The following SLC4A10 variants were observed in gnomAD, a reference collection of about 807,000 sequenced individuals.
The protein encoded by SLC4A10 is sodium-driven chloride bicarbonate exchanger.
SLC4A10 carries 42 observed loss-of-function variants against 137.7 expected under a neutral mutation model. That is an observed-to-expected ratio of 0.30 (90% confidence interval 0.24 to 0.39). The LOEUF is 0.39. Among genes scored for constraint, SLC4A10 ranks in the 10% least tolerant of loss-of-function variants. The probability of loss-of-function intolerance (pLI) is 1.00; values close to 1 mark genes in which losing one functional copy is unlikely to be tolerated. For missense variants in SLC4A10, 925 were observed against 1,355.0 expected, an observed-to-expected ratio of 0.68 and a Z score of 4.98; for synonymous variants, 474 against 464.1, an observed-to-expected ratio of 1.02 and a Z score of -0.27.
intron 1 of SLC4A10, among the ~76,000 whole-genome samples, chr2:161,757,065 A>G (rs1361949733): frequency 2.6e-5 from 4 of 152,180 alleles, no homozygotes; most frequent in Non-Finnish European, 4.4e-5. Context: ...CAAAAGCTAA[A>G]CATTGAGTAA....
intron 10 of SLC4A10, among the ~76,000 whole-genome samples, chr2:161,884,807 G>A (rs893138790): frequency 1.3e-5 from 2 of 152,158 alleles, no homozygotes; most frequent in Non-Finnish European, 2.9e-5. Flanking sequence ...TTTTTTAAAA[G>A]AGAAAACAGA....
chr2:161,739,124 A>T (rs1055045748), intron 1 of SLC4A10, among the ~76,000 whole-genome samples: 3 of 152,048 alleles, frequency 2.0e-5, no homozygotes, highest in African/African-American at 7.3e-5. Flanking sequence ...GGTGGGGGGA[A>T]CATGATATGG....
intron 2 of SLC4A10, among the ~76,000 whole-genome samples, chr2:161,803,733 G>C (rs2125596324): frequency 6.6e-6 from 1 of 152,132 alleles, no homozygotes; most frequent in South Asian, 2.1e-4. Context: ...TTTATCTGTA[G>C]AGGATACGTT....
intron 15 of SLC4A10, among the ~76,000 whole-genome samples, chr2:161,932,249 G>A (rs1182028641): frequency 6.6e-6 from 1 of 152,110 alleles, no homozygotes; most frequent in Non-Finnish European, 1.5e-5. Flanking sequence ...CAAGACATTT[G>A]CAGACCTATG....
chr2:161,939,486 T>C (rs1180904472), intron 15 of SLC4A10, among the ~76,000 whole-genome samples: 1 of 152,202 alleles, frequency 6.6e-6, no homozygotes, highest in African/African-American at 2.4e-5. Flanking sequence ...CCTCTGTAGC[T>C]ATAAGTATAT....
intron 2 of SLC4A10, among the ~76,000 whole-genome samples, chr2:161,778,285 T>C (rs987300571): frequency 2.0e-5 from 3 of 151,966 alleles, no homozygotes; most frequent in Admixed American, 2.0e-4. Flanking sequence ...CTAAGAGCTA[T>C]CATTTTTCCC....
intron 6 of SLC4A10, among the ~76,000 whole-genome samples, chr2:161,863,890 T>C (rs548297432): frequency 9.2e-5 from 14 of 152,300 alleles, no homozygotes; most frequent in African/African-American, 3.4e-4. Context: ...TTTGTTAAAC[T>C]TCTGTAGGCT....
intron 1 of SLC4A10, among the ~76,000 whole-genome samples, chr2:161,718,237 A>G (rs978008748): frequency 6.6e-6 from 1 of 152,104 alleles, no homozygotes; most frequent in African/African-American, 2.4e-5. Context: ...ATTTTTTAAA[A>G]AAATCACCTC....
At position 161,882,433 on chromosome 2, in the gene SLC4A10, A is replaced by T; in HGVS notation, c.1183A>T (p.Met395Leu). The T allele has an allele frequency of 6.3e-7, 1 of 1,590,198 alleles. No individual in the cohort carries two copies. The highest frequency in any genetic ancestry group is 1.7e-5 in the Admixed American group (1 of 57,852). Residue 395 changes from methionine (M) to leucine (L), a missense_variant, in exon 10 of 27, where the codon ATG becomes TTG. This residue lies in a region of SLC4A10 where 277 missense variants were observed against 306.1 expected (regional missense o/e 0.90). Coordinates refer to ENST00000446997, the MANE Select transcript of SLC4A10 (RefSeq NM_001178015.2). Reference sequence around the variant, plus strand: ...GATTGGCAGATCAATTGCAACCCTAATGACAGATGAGGTATTTATTCAAGT... The same window carrying T: ...GATTGGCAGATCAATTGCAACCCTATTGACAGATGAGGTATTTATTCAAGT... Reference protein sequence around the residue: ...HEIGRSIATLMTDEVFHDVAY... With the variant: ...HEIGRSIATLLTDEVFHDVAY...
intron 3 of SLC4A10, among the ~76,000 whole-genome samples, chr2:161,816,917 C>G (rs1481948959): frequency 9.9e-5 from 15 of 152,038 alleles, no homozygotes; most frequent in Admixed American, 2.0e-4. Context: ...CTTTGCTATT[C>G]TGAATAGTGC....
At chr2:161,870,118 A>G (rs1478614088) in intron 6 of SLC4A10, among the ~76,000 whole-genome samples, 2 of 151,022 alleles carry the variant, frequency 1.3e-5, no homozygotes, top group African/African-American at 2.4e-5. Context: ...ATAGCATACA[A>G]CAATCTCAAA....
rs931538562 is a variant in SLC4A10, at chr2:161,658,223, A to T, written c.48+33657A>T. Among the ~76,000 whole-genome samples the T allele has an allele frequency of 8.5e-5, 13 of 152,206 alleles. No individual in the cohort carries two copies. In the East Asian group the frequency reaches 9.6e-4, roughly 11 times the overall value. ...TTTTGCATTAGAAAACTTTAGCCTGAATCCTTACTTTTTAGATTCAACATA... is the reference window on the plus strand; with the variant it reads ...TTTTGCATTAGAAAACTTTAGCCTGTATCCTTACTTTTTAGATTCAACATA... On this transcript the variant is annotated intron_variant, in intron 1 of 26. Coordinates refer to ENST00000446997, the MANE Select transcript of SLC4A10 (RefSeq NM_001178015.2).
In SLC4A10 at chr2:161,695,355, A is replaced by G. The variant is rs527913081; in HGVS notation, c.48+70789A>G. Among the ~76,000 whole-genome samples, 47 of 152,140 alleles carry G rather than the reference A, an allele frequency of 3.1e-4. No homozygotes were observed. In the South Asian group the frequency reaches 6.2e-3, roughly 20 times the overall value. Reference sequence around the variant, plus strand: ...CACTTAATTTGCTCTTATATACCCAATACTAGTTGTTCTTGGAGGGAAAGA... The same window carrying G: ...CACTTAATTTGCTCTTATATACCCAGTACTAGTTGTTCTTGGAGGGAAAGA... On this transcript the variant is annotated intron_variant, in intron 1 of 26. Transcript: ENST00000446997.
intron 1 of SLC4A10, among the ~76,000 whole-genome samples, chr2:161,706,724 C>G (rs552486799): frequency 1.2e-4 from 18 of 151,546 alleles, no homozygotes; most frequent in South Asian, 2.1e-4. Flanking sequence ...CATCTCTTCC[C>G]TCTGTTCTTA....
At chr2:161,682,742 T>C (rs2040999618) in intron 1 of SLC4A10, among the ~76,000 whole-genome samples, 1 of 152,092 alleles carries the variant, frequency 6.6e-6, no homozygotes, top group Non-Finnish European at 1.5e-5. Context: ...CTAGGTATTC[T>C]TTCTCTCTTT....
Position 161,725,618 on chromosome 2 carries a change from T to G in SLC4A10, c.49-45355T>G, listed in dbSNP as rs559441504. ...TCTTAATTTTCTCCTACAAAAAAAT[T>G]ACAGTAAAAATACTAGATTTATGCT... is the stretch of plus-strand genomic sequence containing the variant. On this transcript the variant is annotated intron_variant, in intron 1 of 26. Coordinates refer to ENST00000446997, the MANE Select transcript of SLC4A10 (RefSeq NM_001178015.2). Among the ~76,000 whole-genome samples the G allele has an allele frequency of 8.5e-5, 13 of 152,342 alleles. No homozygotes were observed. In the East Asian group the frequency reaches 1.5e-3, roughly 18 times the overall value.
At chr2:161,876,794 G>A (rs576088069) in intron 8 of SLC4A10, among the ~76,000 whole-genome samples, 152 of 151,882 alleles carry the variant, frequency 1.0e-3, no homozygotes, top group African/African-American at 3.6e-3. Flanking sequence ...AATATAATAT[G>A]TAACTATACA....
rs540282663 is a variant in SLC4A10, at chr2:161,643,258, G to T, written c.48+18692G>T. Among the ~76,000 whole-genome samples, 21 of 152,166 alleles carry T rather than the reference G, an allele frequency of 1.4e-4. No homozygotes were observed. The East Asian group carries it at 3.3e-3, about 24-fold the overall frequency. On this transcript the variant is annotated intron_variant, in intron 1 of 26. Transcript: ENST00000446997. ...TGTGCTATTAAATGAATAGAAATCAGACTTGAGGAAGGCAAAGGCCAAAAG... is the reference window on the plus strand; with the variant it reads ...TGTGCTATTAAATGAATAGAAATCATACTTGAGGAAGGCAAAGGCCAAAAG...
chr2:161,652,332 T>C (rs1334529825), intron 1 of SLC4A10, among the ~76,000 whole-genome samples: 2 of 152,242 alleles, frequency 1.3e-5, no homozygotes, highest in Non-Finnish European at 2.9e-5. Flanking sequence ...AATACTATGT[T>C]ATTTATTTTC....
Sources: allele counts gnomAD v4.1 joint callset (sites outside exome capture counted in the v4.1 genomes callset), GRCh38; gene constraint gnomAD v4.1.1; regional missense constraint gnomAD v4.1.1; transcripts MANE v1.5; gene names NCBI Gene and HGNC (gene_info 2026-07-23, HGNC 2026-07-21).